Variants in AEBP2 observed in about 807,000 individuals in gnomAD.
The protein encoded by AEBP2 is AE binding protein 2, also known as zinc finger protein AEBP2.
In AEBP2, 10 loss-of-function variants were observed where a neutral mutation model predicts 50.8. The observed-to-expected ratio is 0.20, with a 90% CI of 0.12 to 0.33. AEBP2 has a LOEUF of 0.33. Among genes scored for constraint, AEBP2 ranks in the 10% least tolerant of loss-of-function variants. The probability of loss-of-function intolerance (pLI) is 1.00; values close to 1 mark genes in which losing one functional copy is unlikely to be tolerated. For synonymous variants in AEBP2, 296 were observed against 261.3 expected, an observed-to-expected ratio of 1.13 and a Z score of -1.28; for missense variants, 570 against 688.0, an observed-to-expected ratio of 0.83 and a Z score of 1.92.
At chr12:19,504,588 A>G (rs918417712) in intron 5 of AEBP2, among the ~76,000 whole-genome samples, 1 of 151,810 alleles carries the variant, frequency 6.6e-6, no homozygotes, top group Non-Finnish European at 1.5e-5. Flanking sequence ...CTTTACCCAC[A>G]CCCTATTCAT....
chr12:19,456,713 A>G lies in AEBP2; in HGVS notation c.672-5797A>G, dbSNP rs111529547. The G allele has an allele frequency of 5.4e-4, 860 of 1,586,300 alleles. 6 individuals carry two copies. In the African/African-American group the frequency reaches 9.5e-3, roughly 18 times the overall value. ...ACACATTCTTGACATTGAAGCCCAC[A>G]TTGTCCCCAGAAAGAGTTTCACTCA... On this transcript the variant is annotated intron_variant, in intron 1 of 7. Coordinates refer to ENST00000266508, the MANE Select transcript of AEBP2 (RefSeq NM_153207.5).
At chr12:19,420,173 G>A (rs1235953511) in intron 1 of AEBP2, among the ~76,000 whole-genome samples, 1 of 148,986 alleles carries the variant, frequency 6.7e-6, no homozygotes, top group African/African-American at 2.5e-5. Flanking sequence ...ACAGGCACCC[G>A]ACACCTTGAT....
At chr12:19,499,288 G>A (rs949869519) in intron 4 of AEBP2, among the ~76,000 whole-genome samples, 11 of 152,070 alleles carry the variant, frequency 7.2e-5, no homozygotes, top group Non-Finnish European at 1.5e-4. Flanking sequence ...TGTTCAAATA[G>A]TTGTTCATAA....
upstream of AEBP2, among the ~76,000 whole-genome samples, chr12:19,435,387 T>A (rs1217689308): frequency 6.6e-6 from 1 of 152,002 alleles, no homozygotes; most frequent in Non-Finnish European, 1.5e-5. Flanking sequence ...TTCAAGTGAT[T>A]CTCCTGTGCC....
chr12:19,440,631 C>T lies in AEBP2; in HGVS notation c.671+261C>T, dbSNP rs564986902. 358 of 1,521,594 alleles carry T rather than the reference C, an allele frequency of 2.4e-4. 1 individual carries two copies. The African/African-American group carries it at 4.4e-3, about 19-fold the overall frequency. The allele number at this position is 1,521,594 out of a possible 1,614,324, so 94.3% of individuals were successfully genotyped here. A position where few individuals can be genotyped will look rare whatever the true frequency, so the allele number is the denominator to read the frequency against. Reference sequence around the variant, plus strand: ...CCCTCGGCGCTTCGCTCCTCACGGACCTCAGGACGGCTCTAACTCGGAAAC... The same window carrying T: ...CCCTCGGCGCTTCGCTCCTCACGGATCTCAGGACGGCTCTAACTCGGAAAC... On this transcript the variant is annotated intron_variant, in intron 1 of 7. Coordinates refer to ENST00000266508, the MANE Select transcript of AEBP2 (RefSeq NM_153207.5).
chr12:19,490,888 G>A (rs1372360674), intron 3 of AEBP2, among the ~76,000 whole-genome samples: 1 of 152,180 alleles, frequency 6.6e-6, no homozygotes. Context: ...GCGAGAATGT[G>A]GAGCTAGCTG....
intron 1 of AEBP2, among the ~76,000 whole-genome samples, chr12:19,421,802 G>C (rs188663208): frequency 4.1e-4 from 62 of 152,270 alleles, no homozygotes; most frequent in Non-Finnish European, 7.2e-4. Context: ...GGGTGTTCCA[G>C]GAACTCACAC....
chr12:19,461,782 A>T (rs939290692), intron 1 of AEBP2, among the ~76,000 whole-genome samples: 1 of 152,212 alleles, frequency 6.6e-6, no homozygotes, highest in East Asian at 1.9e-4. Context: ...AAGTGCTGGA[A>T]TTACAGGAGT....
chr12:19,433,031 G>T (rs938704455), intron 1 of AEBP2, among the ~76,000 whole-genome samples: 1 of 152,016 alleles, frequency 6.6e-6, no homozygotes, highest in Admixed American at 6.6e-5. Context: ...CGTTCACCAA[G>T]CTGGAAAAAA....
intron 1 of AEBP2, among the ~76,000 whole-genome samples, chr12:19,433,817 A>G (rs1012148758): frequency 6.6e-6 from 1 of 151,816 alleles, no homozygotes; most frequent in African/African-American, 2.4e-5. Context: ...AAAAAAAAGT[A>G]TAAACTCTAG....
intron 1 of AEBP2, among the ~76,000 whole-genome samples, chr12:19,406,123 G>T (rs956909174): frequency 6.6e-5 from 10 of 151,916 alleles, no homozygotes; most frequent in African/African-American, 2.4e-4. Flanking sequence ...CTGCCACCAC[G>T]CCTGGCTAAT....
At chr12:19,416,877 C>CT (rs60880618) in intron 1 of AEBP2, among the ~76,000 whole-genome samples, 10 of 137,116 alleles carry the variant, frequency 7.3e-5, no homozygotes, top group South Asian at 4.7e-4. Context: ...TTTCTTTTTT[C>CT]TTTTTTTTTT....
At chr12:19,509,996 C>T (rs887888533) in intron 5 of AEBP2, among the ~76,000 whole-genome samples, 1 of 151,770 alleles carries the variant, frequency 6.6e-6, no homozygotes, top group African/African-American at 2.4e-5. Flanking sequence ...TCACACCTGG[C>T]TAATTTTTAT....
chr12:19,496,725 A>G (rs1484991315), intron 4 of AEBP2, among the ~76,000 whole-genome samples: 2 of 150,466 alleles, frequency 1.3e-5, no homozygotes, highest in East Asian at 3.9e-4. Context: ...GCAGTGGTGC[A>G]ATCATGACTC....
In AEBP2 at chr12:19,519,623, A is replaced by C. The variant is rs1425259698; in HGVS notation, c.*1506A>C. On this transcript the variant is annotated 3_prime_UTR_variant, in exon 8 of 8. Transcript: ENST00000266508. ...CTGGTTGAGGAGTTTTCACTTTACT[A>C]CAGTGATATAAAAACCAGCAGTTTT... 1 of 152,646 alleles carries C rather than the reference A, an allele frequency of 6.6e-6. No homozygotes were observed. Among genetic ancestry groups the C allele is most frequent in the African/African-American group, 2.4e-5 (1 of 41,468 alleles). 9.5% of individuals were successfully genotyped at this position (152,646 alleles called of 1,614,324 possible). A position where few individuals can be genotyped will look rare whatever the true frequency, so the allele number is the denominator to read the frequency against.
At chr12:19,463,866 A>G (rs529796631) in intron 2 of AEBP2, among the ~76,000 whole-genome samples, 61 of 152,040 alleles carry the variant, frequency 4.0e-4, no homozygotes, top group South Asian at 1.7e-3. Context: ...AGGTTTTGCC[A>G]TGTTGGCCAG....
At chr12:19,410,365 C>G (rs1022312208) in intron 1 of AEBP2, among the ~76,000 whole-genome samples, 1 of 152,172 alleles carries the variant, frequency 6.6e-6, no homozygotes, top group African/African-American at 2.4e-5. Context: ...ACACCTCCTG[C>G]CACTTCATTA....
At chr12:19,503,690 T>A (rs1025164403) in intron 5 of AEBP2, among the ~76,000 whole-genome samples, 13 of 151,992 alleles carry the variant, frequency 8.6e-5, no homozygotes, top group African/African-American at 2.4e-4. Context: ...TTTTTTTTTT[T>A]AAACATTTAT....
chr12:19,480,560 T>G (rs1948712032), intron 3 of AEBP2, among the ~76,000 whole-genome samples: 1 of 152,360 alleles, frequency 6.6e-6, no homozygotes, highest in Admixed American at 6.5e-5. Context: ...TTAGTTTTGC[T>G]GGATACAATA....
Sources: gnomAD v4.1 joint callset for allele counts (sites outside exome capture counted in the v4.1 genomes callset) on GRCh38, gnomAD v4.1.1 for gene constraint, MANE v1.5 for transcripts, NCBI Gene and HGNC (gene_info 2026-07-23, HGNC 2026-07-21) for gene names.